Variants in DACH2 observed in about 807,000 individuals in gnomAD.
The protein encoded by DACH2 is dachshund homolog 2.
In DACH2, 17 loss-of-function variants were observed where a neutral mutation model predicts 35.8. That is an observed-to-expected ratio of 0.48 (90% CI 0.33 to 0.71). The LOEUF (loss-of-function observed/expected upper bound fraction) is 0.71. DACH2 is among the 30% of genes least tolerant of loss of function. DACH2 has a pLI of 0.02. For missense variants in DACH2, 469 were observed against 472.7 expected (o/e 0.99, Z 0.07); for synonymous variants, 195 against 177.3 (o/e 1.10, Z -0.79).
At chrX:86,332,022 C>T (rs893301443) in intron 1 of DACH2, among the ~76,000 whole-genome samples, 2 of 111,706 alleles carry the variant, frequency 1.8e-5, no homozygotes, top group Non-Finnish European at 3.8e-5. Context: ...ACTTGGTTAA[C>T]CTGAAAATTA....
At chrX:86,300,109 C>G (rs1337396471) in intron 1 of DACH2, among the ~76,000 whole-genome samples, 2 of 111,058 alleles carry the variant, frequency 1.8e-5, no homozygotes, top group East Asian at 5.7e-4. Context: ...AGTCACCCTA[C>G]CCTGGTATAG....
At chrX:86,692,230 A>G (rs1392721189) in intron 4 of DACH2, among the ~76,000 whole-genome samples, 1 of 111,014 alleles carries the variant, frequency 9.0e-6, no homozygotes, top group African/African-American at 3.3e-5. Context: ...TTTTTTTATT[A>G]TTATACTTTA....
intron 2 of DACH2, among the ~76,000 whole-genome samples, chrX:86,491,184 C>A (rs987229802): frequency 8.9e-6 from 1 of 111,785 alleles, no homozygotes; most frequent in African/African-American, 3.2e-5. Context: ...GTGAAAAATT[C>A]AGTCTGTCTG....
chrX:86,427,568 T>C (rs755041111), intron 2 of DACH2, among the ~76,000 whole-genome samples: 2 of 111,456 alleles, frequency 1.8e-5, no homozygotes, highest in African/African-American at 6.5e-5. Flanking sequence ...TGGCTCCTTA[T>C]TACTTGGAAA....
intron 2 of DACH2, among the ~76,000 whole-genome samples, chrX:86,482,622 A>C (rs2148235833): frequency 1.8e-5 from 2 of 108,183 alleles, no homozygotes; most frequent in South Asian, 8.5e-4. Flanking sequence ...ACTGATTTCC[A>C]CAATGGTTGA....
intron 3 of DACH2, among the ~76,000 whole-genome samples, chrX:86,576,607 T>TA (rs1311341743): frequency 3.6e-5 from 4 of 111,095 alleles, no homozygotes; most frequent in Non-Finnish European, 7.5e-5. Context: ...ATTTCAGACC[T>TA]AAACCAAATA....
chrX:86,536,717 C>A (rs1334337375), intron 3 of DACH2, among the ~76,000 whole-genome samples: 1 of 111,553 alleles, frequency 9.0e-6, no homozygotes, highest in Admixed American at 9.5e-5. Flanking sequence ...CAATGTATAC[C>A]TTATATGTAT....
intron 1 of DACH2, among the ~76,000 whole-genome samples, chrX:86,340,486 C>G (rs892095568): frequency 9.0e-6 from 1 of 110,956 alleles, no homozygotes; most frequent in Non-Finnish European, 1.9e-5. Flanking sequence ...TCCTCTATCT[C>G]TCCCCCTCTC....
At chrX:86,202,423 T>C (rs1928507590) in intron 1 of DACH2, among the ~76,000 whole-genome samples, 1 of 111,499 alleles carries the variant, frequency 9.0e-6, no homozygotes, top group Non-Finnish European at 1.9e-5. Context: ...TCCTGAAGCA[T>C]AGGTAGGATA....
chrX:86,189,966 C>T (rs781629041), intron 1 of DACH2, among the ~76,000 whole-genome samples: 18 of 109,715 alleles, frequency 1.6e-4, no homozygotes, highest in South Asian at 1.2e-3. Flanking sequence ...GAGTTTGGGA[C>T]CAGCCTGGCC....
rs751398728 is a variant in DACH2 at position 86,354,947 on chromosome X, ATG to A, written c.489-21874_489-21873del. ...CTTTTATTTTATGTTTAGAGGGTAT[ATG>A]TGCAATTTTATTCCATGTGTAAATT... On this transcript the variant is annotated intron_variant, in intron 1 of 11. Transcript: ENST00000373125. Among the ~76,000 whole-genome samples the A allele has an allele frequency of 2.5e-3, 281 of 111,864 alleles. 1 individual carries two copies. The highest frequency in any genetic ancestry group is 9.3e-3 in the Middle Eastern group (2 of 216).
intron 3 of DACH2, among the ~76,000 whole-genome samples, chrX:86,543,911 A>C (rs1361786213): frequency 9.3e-6 from 1 of 107,503 alleles, no homozygotes; most frequent in Non-Finnish European, 1.9e-5. Flanking sequence ...GGTGCAGCGC[A>C]CCAGCATGGC....
chrX:86,582,586 C>A (rs1218468272), intron 3 of DACH2, among the ~76,000 whole-genome samples: 1 of 110,608 alleles, frequency 9.0e-6, no homozygotes, highest in Non-Finnish European at 1.9e-5. Flanking sequence ...ATGAGCATCT[C>A]TATGCACACA....
At chrX:86,196,412 G>A (rs1205564644) in intron 1 of DACH2, among the ~76,000 whole-genome samples, 2 of 110,556 alleles carry the variant, frequency 1.8e-5, no homozygotes, top group Non-Finnish European at 3.8e-5. Flanking sequence ...GAACAAGCAG[G>A]CTGGATGCAG....
At chrX:86,757,228 A>T (rs1206510714) in intron 7 of DACH2, among the ~76,000 whole-genome samples, 1 of 111,441 alleles carries the variant, frequency 9.0e-6, no homozygotes, top group African/African-American at 3.3e-5. Flanking sequence ...CTGCACCCCT[A>T]TGTTGATTGT....
At chrX:86,632,214 G>A (rs957356793) in intron 3 of DACH2, among the ~76,000 whole-genome samples, 4 of 110,723 alleles carry the variant, frequency 3.6e-5, no homozygotes, top group Non-Finnish European at 7.6e-5. Context: ...AAGCACTCAG[G>A]CAAAAAGGCT....
intron 2 of DACH2, among the ~76,000 whole-genome samples, chrX:86,480,068 G>A (rs1446909929): frequency 2.7e-5 from 3 of 111,818 alleles, no homozygotes; most frequent in African/African-American, 9.8e-5. Flanking sequence ...TGAAAAGTTA[G>A]TTTTTTATTG....
chrX:86,330,290 A>G (rs1486644745), intron 1 of DACH2, among the ~76,000 whole-genome samples: 1 of 112,394 alleles, frequency 8.9e-6, no homozygotes, highest in East Asian at 2.8e-4. Context: ...AATCTTGATT[A>G]ACTTAGAATC....
chrX:86,701,954 C>G (rs1265946185), intron 5 of DACH2, among the ~76,000 whole-genome samples: 3 of 111,253 alleles, frequency 2.7e-5, no homozygotes, highest in Non-Finnish European at 5.7e-5. Context: ...GTCTATACAC[C>G]AAACCCACAT....
Sources: allele counts gnomAD v4.1 joint callset (sites outside exome capture counted in the v4.1 genomes callset), GRCh38; gene constraint gnomAD v4.1.1; transcripts MANE v1.5; gene names NCBI Gene and HGNC (gene_info 2026-07-23, HGNC 2026-07-21).